WNK2: variants seen among roughly 807,000 people sequenced by gnomAD.
WNK2 encodes WNK lysine deficient protein kinase 2.
Under a neutral mutation model 192.1 loss-of-function variants are expected in WNK2, and 67 were observed. The observed-to-expected ratio is 0.35, with a 90% confidence interval of 0.29 to 0.43. The LOEUF is 0.43. Among genes scored for constraint, WNK2 ranks in the 20% least tolerant of loss-of-function variants. The probability of loss-of-function intolerance (pLI) is 1.00; values close to 1 mark genes in which losing one functional copy is unlikely to be tolerated. For synonymous variants in WNK2, 1,439 were observed against 1,393.9 expected (o/e 1.03, Z -0.72); for missense variants, 2,698 against 3,089.7 (o/e 0.87, Z 3.01).
chr9:93,222,798 T>C (rs920812393), intron 2 of WNK2, among the ~76,000 whole-genome samples: 2 of 152,144 alleles, frequency 1.3e-5, no homozygotes, highest in Admixed American at 6.6e-5. Context: ...TTCTCCTGCC[T>C]CAGCCTCCCG....
At chr9:93,303,881 C>T (rs948938167) in intron 26 of WNK2, among the ~76,000 whole-genome samples, 3 of 152,184 alleles carry the variant, frequency 2.0e-5, no homozygotes, top group Non-Finnish European at 4.4e-5. Flanking sequence ...GGGTTTTGTC[C>T]CTGGATGCCC....
chr9:93,246,197 G>A (rs1841651057), intron 7 of WNK2, among the ~76,000 whole-genome samples: 1 of 152,130 alleles, frequency 6.6e-6, no homozygotes, highest in African/African-American at 2.4e-5. Flanking sequence ...TTTGCCAGCG[G>A]GAGGCCCTCA....
At chr9:93,202,331 T>TGG (rs1832556753) in intron 2 of WNK2, among the ~76,000 whole-genome samples, 12 of 116,060 alleles carry the variant, frequency 1.0e-4, no homozygotes, top group African/African-American at 4.4e-4. Flanking sequence ...TGCACGTGTG[T>TGG]GTGTGTGTGT....
intron 23 of WNK2, among the ~76,000 whole-genome samples, chr9:93,293,679 C>A (rs1387298765): frequency 6.6e-6 from 1 of 152,122 alleles, no homozygotes; most frequent in Non-Finnish European, 1.5e-5. Context: ...GGCCGGCCCC[C>A]ACCCTGCTGT....
At chr9:93,253,573 G>T (rs1842884463) in intron 9 of WNK2, among the ~76,000 whole-genome samples, 1 of 152,148 alleles carries the variant, frequency 6.6e-6, no homozygotes, top group African/African-American at 2.4e-5. Flanking sequence ...ATTCGATCTA[G>T]CTGCCCAGCC....
At chr9:93,295,240 G>C (rs1850050142) in intron 23 of WNK2, among the ~76,000 whole-genome samples, 1 of 152,086 alleles carries the variant, frequency 6.6e-6, no homozygotes. Context: ...TCGGAGCAGA[G>C]TTCCAACCTG....
chr9:93,256,629 TTGTGTGTGTACGTG>T lies in WNK2; in HGVS notation c.2190+185_2190+198del, dbSNP rs1173239353. The T allele has an allele frequency of 3.2e-5, 25 of 787,646 alleles. 1 individual carries two copies. The highest frequency in any genetic ancestry group is 7.8e-6 in the Non-Finnish European group (4 of 515,712). 48.8% of individuals were successfully genotyped at this position (787,646 alleles called of 1,614,324 possible). On this transcript the variant is annotated intron_variant, in intron 10 of 29. Coordinates refer to ENST00000427277, the MANE Select transcript of WNK2 (RefSeq NM_006648.4). ...GAGTGACTCTCGTATGTGCATGTGT[TTGTGTGTGTACGTG>T]TGTGTGTGTGTTTGTGTGCGTGCAT... is the stretch of plus-strand genomic sequence containing the variant.
At chr9:93,318,344 T>C in intron 29 of WNK2, 1 of 1,590,664 alleles carries the variant, frequency 6.3e-7, no homozygotes, top group Non-Finnish European at 8.6e-7. Context: ...TTGAAGAGCT[T>C]CCATTGCTAG....
chr9:93,227,730 G>A (rs1012692431), intron 2 of WNK2, among the ~76,000 whole-genome samples: 7 of 151,216 alleles, frequency 4.6e-5, no homozygotes, highest in African/African-American at 1.7e-4. Flanking sequence ...TGAGCTTCTG[G>A]GCTCCAGCCA....
At chr9:93,227,667 T>C (rs1362909948) in intron 2 of WNK2, among the ~76,000 whole-genome samples, 1 of 152,162 alleles carries the variant, frequency 6.6e-6, no homozygotes, top group African/African-American at 2.4e-5. Flanking sequence ...TTGACTTAAA[T>C]AAATAACCAT....
chr9:93,233,600 A>G (rs930328284), intron 4 of WNK2, among the ~76,000 whole-genome samples: 1 of 151,920 alleles, frequency 6.6e-6, no homozygotes, highest in Non-Finnish European at 1.5e-5. Context: ...TGGGAGGCTG[A>G]AGCAGGAGAA....
At chr9:93,300,848 C>G (rs779818091) in intron 26 of WNK2, among the ~76,000 whole-genome samples, 1 of 152,216 alleles carries the variant, frequency 6.6e-6, no homozygotes, top group Non-Finnish European at 1.5e-5. Flanking sequence ...GCTCCTCACC[C>G]ACTGCTGTCT....
At chr9:93,282,831 T>G (rs1479312416) in intron 19 of WNK2, among the ~76,000 whole-genome samples, 1 of 152,194 alleles carries the variant, frequency 6.6e-6, no homozygotes, top group East Asian at 1.9e-4. Flanking sequence ...GACACTGTAC[T>G]CAGTAGCTGA....
intron 7 of WNK2, among the ~76,000 whole-genome samples, chr9:93,242,336 C>G (rs1212255167): frequency 2.0e-5 from 3 of 152,242 alleles, no homozygotes; most frequent in Non-Finnish European, 2.9e-5. Flanking sequence ...GACACAGAAG[C>G]CTCTGCTATG....
chr9:93,255,061 T>C lies in WNK2; in HGVS notation c.2035-1238T>C, dbSNP rs116004927. Among the ~76,000 whole-genome samples the C allele has an allele frequency of 3.3e-3, 495 of 152,274 alleles. 4 individuals are homozygous for C. The highest frequency in any genetic ancestry group is 0.011 in the African/African-American group (473 of 41,552). ...GCATCAGTGTGGAAACCAGCACACC[T>C]GAGCAGGGACATCACAGGTACAGTC... On this transcript the variant is annotated intron_variant, in intron 9 of 29. Transcript: ENST00000427277.
In WNK2 at chr9:93,253,019, C is replaced by T. The variant is rs55672370; in HGVS notation, c.1971C>T (p.Ser657=). ...AGTGTGTGTGCAGCCCCCCTGTGAG[C>T]GAGGGGCCCGTCCTGCCGCAGAGCC... ...PAQCVCSPPV[S]EGPVLPQSLP... is the part of the protein sequence containing the mutation. Residue 657 remains serine, a synonymous_variant, in exon 9 of 30, where the codon AGC becomes AGT. Coordinates refer to ENST00000427277, the MANE Select transcript of WNK2 (RefSeq NM_006648.4). 460 of 1,550,350 alleles carry T rather than the reference C, an allele frequency of 3.0e-4. 2 individuals are homozygous for T. In the African/African-American group the frequency reaches 5.3e-3, roughly 18 times the overall value.
At chr9:93,290,154 G>A (rs952783111) in intron 21 of WNK2, 107 bp downstream of exon 21, 10 of 1,022,112 alleles carry the variant, frequency 9.8e-6, no homozygotes, top group South Asian at 1.6e-5. Flanking sequence ...AGGCATAAAA[G>A]CATTTCTTAA....
In WNK2 at chr9:93,258,993, G is replaced by A. The variant is rs749123748; in HGVS notation, c.2445G>A (p.Pro815=). The change falls in exon 12 of 30, where the codon CCG becomes CCA. Residue 815 remains proline, a synonymous_variant. Transcript: ENST00000427277. The part of the protein sequence containing the change: ...TPLAGIDGLP[P]ALPDLPTATV... ...TGGCGGGAATCGACGGCCTCCCTCC[G>A]GCCCTCCCAGACCTGCCGACCGCGA... 2.7e-5 allele frequency: 44 copies of A among 1,612,216 alleles called. No homozygotes were observed. The highest frequency in any genetic ancestry group is 3.2e-5 in the Non-Finnish European group (38 of 1,179,630).
At chr9:93,219,624 C>T (rs1000931156) in intron 2 of WNK2, among the ~76,000 whole-genome samples, 8 of 152,182 alleles carry the variant, frequency 5.3e-5, no homozygotes, top group South Asian at 2.1e-4. Flanking sequence ...TAGTGTGGGC[C>T]GAGGCTTAGC....
Sources: gnomAD v4.1 joint callset for allele counts (sites outside exome capture counted in the v4.1 genomes callset) on GRCh38, gnomAD v4.1.1 for gene constraint, MANE v1.5 for transcripts, NCBI Gene and HGNC (gene_info 2026-07-23, HGNC 2026-07-21) for gene names.